Variants in GUCA1C observed in about 807,000 individuals in gnomAD.
GUCA1C encodes guanylyl cyclase-activating protein 3.
A neutral mutation model predicts 16.2 loss-of-function variants in GUCA1C; 15 were observed. That is an observed-to-expected ratio of 0.93 (90% confidence interval 0.62 to 1.43). The LOEUF is 1.43. Among genes scored for constraint, GUCA1C ranks in the 40% most tolerant of loss-of-function variants. The pLI, the probability that GUCA1C is intolerant of heterozygous loss-of-function variation, is 0.00. For missense variants in GUCA1C, 275 were observed against 244.8 expected (o/e 1.12, Z -0.82); for synonymous variants, 78 against 85.4 (o/e 0.91, Z 0.48).
At chr3:108,940,333 G>A (rs1046034230) in intron 1 of GUCA1C, among the ~76,000 whole-genome samples, 2 of 152,138 alleles carry the variant, frequency 1.3e-5, no homozygotes, top group Non-Finnish European at 2.9e-5. Flanking sequence ...GGGTAGCCAC[G>A]GGTTAATGAA....
At chr3:108,909,729 A>G (rs922527887) in intron 3 of GUCA1C, among the ~76,000 whole-genome samples, 3 of 152,226 alleles carry the variant, frequency 2.0e-5, no homozygotes, top group Non-Finnish European at 4.4e-5. Flanking sequence ...AGATGGAAGT[A>G]TTCACTGCTG....
intron 1 of GUCA1C, among the ~76,000 whole-genome samples, chr3:108,940,585 A>G (rs1946775521): frequency 6.6e-6 from 1 of 152,254 alleles, no homozygotes; most frequent in South Asian, 2.1e-4. Flanking sequence ...GTTGCCCAAA[A>G]CAGCACGAAT....
intron 1 of GUCA1C, among the ~76,000 whole-genome samples, chr3:108,946,498 C>G (rs1946845448): frequency 6.6e-6 from 1 of 152,118 alleles, no homozygotes; most frequent in Non-Finnish European, 1.5e-5. Context: ...CCTTGTTATA[C>G]ATGGAGTTAG....
intron 3 of GUCA1C, among the ~76,000 whole-genome samples, chr3:108,908,864 C>T (rs567154736): frequency 1.9e-4 from 29 of 152,256 alleles, no homozygotes; most frequent in Non-Finnish European, 2.2e-4. Context: ...GACTTTCAAA[C>T]ATTTTTGGGG....
chr3:108,932,534 T>A (rs1282989205), intron 1 of GUCA1C, among the ~76,000 whole-genome samples: 1 of 152,208 alleles, frequency 6.6e-6, no homozygotes, highest in Non-Finnish European at 1.5e-5. Context: ...TAGTTGTGAT[T>A]TATTCCAATG....
chr3:108,915,551 A>C (rs924286229), intron 3 of GUCA1C, among the ~76,000 whole-genome samples: 2 of 152,146 alleles, frequency 1.3e-5, no homozygotes, highest in African/African-American at 4.8e-5. Flanking sequence ...GCTAAACAGG[A>C]ACCCAGATTA....
chr3:108,931,862 C>T (rs113906498), intron 1 of GUCA1C, among the ~76,000 whole-genome samples: 2 of 111,482 alleles, frequency 1.8e-5, no homozygotes, highest in African/African-American at 3.4e-5. Flanking sequence ...TTTTTTCTTC[C>T]TTCTTTTTTT....
chr3:108,947,639 AG>A lies in GUCA1C; in HGVS notation c.204+5919del, dbSNP rs544928423. Among the ~76,000 whole-genome samples, 457 of 152,324 alleles carry A rather than the reference AG, an allele frequency of 3.0e-3. 1 individual carries two copies. Among genetic ancestry groups the A allele is most frequent in the Non-Finnish European group, 4.5e-3 (308 of 68,032 alleles). ...GTATAGATGAATAATAAATATTTTT[AG>A]GATAAAATTACATAATGTTGGAGTA... On this transcript the variant is annotated intron_variant, in intron 1 of 3. Coordinates refer to ENST00000261047, the MANE Select transcript of GUCA1C (RefSeq NM_005459.4).
intron 1 of GUCA1C, among the ~76,000 whole-genome samples, chr3:108,950,984 C>T (rs1386224646): frequency 6.6e-6 from 1 of 151,946 alleles, no homozygotes; most frequent in African/African-American, 2.4e-5. Flanking sequence ...AGTGCTTTAC[C>T]AGCACTTTGA....
At chr3:108,926,219 G>A (rs1258397916) in intron 1 of GUCA1C, among the ~76,000 whole-genome samples, 1 of 152,064 alleles carries the variant, frequency 6.6e-6, no homozygotes, top group Admixed American at 6.5e-5. Context: ...TTTAAAGTTT[G>A]TTTTGTCTGA....
At chr3:108,909,625 TG>T (rs1470429958) in intron 3 of GUCA1C, among the ~76,000 whole-genome samples, 1 of 152,218 alleles carries the variant, frequency 6.6e-6, no homozygotes, top group East Asian at 1.9e-4. Context: ...CTATAACTAC[TG>T]GCTATAGAAG....
At chr3:108,947,430 G>C (rs917657342) in intron 1 of GUCA1C, among the ~76,000 whole-genome samples, 15 of 152,232 alleles carry the variant, frequency 9.9e-5, no homozygotes, top group African/African-American at 3.4e-4. Flanking sequence ...GACCCTCACA[G>C]TTCAAACCTG....
chr3:108,912,527 A>C (rs1946467109), intron 3 of GUCA1C, among the ~76,000 whole-genome samples: 1 of 152,110 alleles, frequency 6.6e-6, no homozygotes, highest in East Asian at 1.9e-4. Context: ...AAATTATAAC[A>C]ATAATATGTC....
chr3:108,953,502 A>AG, intron 1 of GUCA1C, 57 bp downstream of exon 1: 5 of 1,053,842 alleles, frequency 4.7e-6, no homozygotes, highest in Non-Finnish European at 7.1e-6. Flanking sequence ...AAAAAAAAAA[A>AG]GGGAAGAGTG....
intron 1 of GUCA1C, among the ~76,000 whole-genome samples, chr3:108,927,724 T>G (rs1271210734): frequency 2.0e-5 from 3 of 152,214 alleles, no homozygotes; most frequent in African/African-American, 7.2e-5. Flanking sequence ...GAATTCTATT[T>G]TGCAGTTCAG....
intron 1 of GUCA1C, among the ~76,000 whole-genome samples, chr3:108,939,208 G>T (rs1206839076): frequency 6.6e-6 from 1 of 151,680 alleles, no homozygotes; most frequent in African/African-American, 2.4e-5. Context: ...CCTTTTAAGA[G>T]CCTGGATCCT....
chr3:108,921,372 A>G (rs1946567664), intron 1 of GUCA1C, among the ~76,000 whole-genome samples: 1 of 152,140 alleles, frequency 6.6e-6, no homozygotes, highest in South Asian at 2.1e-4. Context: ...GGTTGCTTCC[A>G]GATTTTGGCA....
intron 1 of GUCA1C, among the ~76,000 whole-genome samples, chr3:108,950,987 C>A (rs1375527284): frequency 1.3e-5 from 2 of 152,010 alleles, no homozygotes; most frequent in African/African-American, 4.8e-5. Context: ...GCTTTACCAG[C>A]ACTTTGAGGA....
intron 1 of GUCA1C, among the ~76,000 whole-genome samples, chr3:108,934,095 C>A (rs1946696715): frequency 6.6e-6 from 1 of 151,864 alleles, no homozygotes; most frequent in African/African-American, 2.4e-5. Flanking sequence ...CCAAACACTG[C>A]ATGTTCTCAC....
Sources: gnomAD v4.1 joint callset for allele counts (sites outside exome capture counted in the v4.1 genomes callset) on GRCh38, gnomAD v4.1.1 for gene constraint, MANE v1.5 for transcripts, NCBI Gene and HGNC (gene_info 2026-07-23, HGNC 2026-07-21) for gene names.